Variants in TAF1B observed in about 807,000 individuals in gnomAD.
The protein encoded by TAF1B is TATA-box binding protein associated factor, RNA polymerase I subunit B.
TAF1B carries 61 observed loss-of-function variants against 83.9 expected under a neutral mutation model. The ratio of observed to expected loss-of-function variants is 0.73; its 90% CI spans 0.59 to 0.90. TAF1B has a LOEUF of 0.90. Ranked by LOEUF, TAF1B falls within the 40% of genes least tolerant of loss-of-function variation. TAF1B has a pLI of 0.00. For synonymous variants in TAF1B, 221 were observed against 224.6 expected (o/e 0.98, Z 0.14); for missense variants, 625 against 677.0 (o/e 0.92, Z 0.85).
Position 9,872,442 on chromosome 2 carries a change from T to A in TAF1B, c.554-3423T>A, listed in dbSNP as rs181320584. Among the ~76,000 whole-genome samples the A allele has an allele frequency of 2.0e-5, 3 of 152,312 alleles. No homozygotes were observed. The East Asian group carries it at 5.8e-4, about 29-fold the overall frequency. On this transcript the variant is annotated intron_variant, in intron 6 of 14. Coordinates refer to ENST00000263663, the MANE Select transcript of TAF1B (RefSeq NM_005680.3). ...TTTCTAGGGGTATGAGTTTCTCCAA[T>A]TCCTGAGCCTTCTTTAGGGATCCCC...
Position 9,914,083 on chromosome 2 carries a change from G to A in TAF1B, c.1271+834G>A, listed in dbSNP as rs1665610345. Among the ~76,000 whole-genome samples the A allele has an allele frequency of 6.6e-6, 1 of 152,092 alleles. No homozygotes were observed. Among genetic ancestry groups the A allele is most frequent in the African/African-American group, 2.4e-5 (1 of 41,400 alleles). On this transcript the variant is annotated intron_variant, in intron 12 of 14. Transcript: ENST00000263663. This position sits in a 1 kb window ranked among gnomAD's most constrained non-coding sequence, Gnocchi z 4.3. The stretch of plus-strand genomic sequence containing the variant: ...ACATAATAATGCCCACTTATATACT[G>A]TAATTAAGACCCAATTTTCCAGTAT...
At chr2:9,917,868 T>A (rs12618415) in intron 12 of TAF1B, among the ~76,000 whole-genome samples, 2 of 151,366 alleles carry the variant, frequency 1.3e-5, no homozygotes, top group Non-Finnish European at 2.9e-5. Flanking sequence ...GTCAGGAGAT[T>A]GAGACCATCC....
chr2:9,877,081 T>C (rs894953800), intron 7 of TAF1B, among the ~76,000 whole-genome samples: 7 of 152,230 alleles, frequency 4.6e-5, no homozygotes, highest in Non-Finnish European at 7.3e-5. Context: ...TAGCCCATGA[T>C]TCAGTGAATT....
chr2:9,896,620 C>CAAAAAAAAA (rs71391108), intron 8 of TAF1B, among the ~76,000 whole-genome samples: 9 of 66,522 alleles, frequency 1.4e-4, no homozygotes, highest in African/African-American at 3.5e-4. Context: ...ATCTAAAAAC[C>CAAAAAAAAA]AAAAAAAAAA....
At chr2:9,911,720 C>T (rs763999038) in intron 11 of TAF1B, among the ~76,000 whole-genome samples, 163 bp downstream of exon 11, 2 of 152,158 alleles carry the variant, frequency 1.3e-5, no homozygotes, top group African/African-American at 2.4e-5. Context: ...TAATTACCTA[C>T]TTGTATCTCT....
intron 2 of TAF1B, 60 bp downstream of exon 2, chr2:9,845,378 G>T (rs1663172041): frequency 1.4e-6 from 2 of 1,389,114 alleles, no homozygotes; most frequent in East Asian, 2.3e-5. Flanking sequence ...ATTTCAGCCT[G>T]ATATGTAGTC....
chr2:9,867,199 T>TAA (rs780230072), intron 5 of TAF1B, among the ~76,000 whole-genome samples: 241 of 152,318 alleles, frequency 1.6e-3, no homozygotes, highest in Middle Eastern at 3.4e-3. Flanking sequence ...TGTGAATCTT[T>TAA]GAACAGATAT....
intron 1 of TAF1B, among the ~76,000 whole-genome samples, chr2:9,843,949 C>A (rs1339096937): frequency 6.6e-6 from 1 of 152,038 alleles, no homozygotes; most frequent in East Asian, 1.9e-4. Context: ...TGAGATGCCG[C>A]CGGGTAACCC....
intron 14 of TAF1B, 109 bp downstream of exon 14, chr2:9,919,929 A>G (rs1665819184): frequency 9.9e-7 from 1 of 1,006,836 alleles, no homozygotes; most frequent in Non-Finnish European, 1.5e-6. Flanking sequence ...AGTCACGAAA[A>G]TCAGAATTAT....
At chr2:9,848,738 T>A (rs1025534534) in intron 2 of TAF1B, among the ~76,000 whole-genome samples, 23 of 151,184 alleles carry the variant, frequency 1.5e-4, no homozygotes, top group East Asian at 1.9e-4. Context: ...TGGCCCCATT[T>A]AAAAAAAAAG....
At chr2:9,926,024 C>T (rs1419972346) in intron 14 of TAF1B, among the ~76,000 whole-genome samples, 1 of 152,084 alleles carries the variant, frequency 6.6e-6, no homozygotes, top group Non-Finnish European at 1.5e-5. Context: ...TTCTGGTATA[C>T]TCAGAAGTAG....
intron 5 of TAF1B, among the ~76,000 whole-genome samples, chr2:9,860,498 T>C (rs543420494): frequency 1.8e-4 from 27 of 152,244 alleles, no homozygotes; most frequent in Non-Finnish European, 1.2e-4. Context: ...GAGGGGACAT[T>C]TTAAAATTTG....
chr2:9,851,328 C>T (rs747312196), intron 3 of TAF1B, among the ~76,000 whole-genome samples: 2 of 151,576 alleles, frequency 1.3e-5, no homozygotes, highest in Non-Finnish European at 2.9e-5. Context: ...CATTTGTGTA[C>T]ACATTGCCAG....
rs568814585 is a variant in TAF1B at position 9,926,821 on chromosome 2, A to G, written c.1566-6962A>G. Reference sequence around the variant, plus strand: ...CTCTGTCTCAAAAAAAAAAAAAAAAAAGAGAGATTGGCAGTTAACATTAGT... The same window carrying G: ...CTCTGTCTCAAAAAAAAAAAAAAAAGAGAGAGATTGGCAGTTAACATTAGT... On this transcript the variant is annotated intron_variant, in intron 14 of 14. Transcript: ENST00000263663. Among the ~76,000 whole-genome samples, 151 of 151,508 alleles carry G rather than the reference A, an allele frequency of 1.0e-3. 2 individuals are homozygous for G. Among genetic ancestry groups the G allele is most frequent in the African/African-American group, 3.4e-3 (139 of 41,388 alleles).
chr2:9,917,013 A>G (rs577118930), intron 12 of TAF1B, among the ~76,000 whole-genome samples: 2 of 151,460 alleles, frequency 1.3e-5, no homozygotes, highest in South Asian at 2.1e-4. Flanking sequence ...TGCCCAACTA[A>G]TTTTGTATTT....
intron 8 of TAF1B, among the ~76,000 whole-genome samples, chr2:9,902,983 T>C (rs1305099780): frequency 6.6e-6 from 1 of 152,244 alleles, no homozygotes; most frequent in Non-Finnish European, 1.5e-5. Context: ...AAGGAGATTG[T>C]CTTATTCATC....
intron 2 of TAF1B, 74 bp from the exon 3 acceptor site, chr2:9,849,299 C>T: frequency 1.7e-6 from 2 of 1,211,920 alleles, no homozygotes; most frequent in African/African-American, 1.6e-5. Flanking sequence ...TTATACTTTC[C>T]AGAAAATACC....
chr2:9,866,629 A>G (rs914087119), intron 5 of TAF1B, among the ~76,000 whole-genome samples: 1 of 152,218 alleles, frequency 6.6e-6, no homozygotes, highest in Non-Finnish European at 1.5e-5. Flanking sequence ...ATAAAGACAC[A>G]TGCACACGTA....
intron 8 of TAF1B, among the ~76,000 whole-genome samples, chr2:9,889,333 T>C (rs1177010651): frequency 6.6e-6 from 1 of 152,130 alleles, no homozygotes; most frequent in Non-Finnish European, 1.5e-5. Context: ...TCTATTGTTA[T>C]GTCTTCAGAT....
Sources: gnomAD v4.1 joint callset for allele counts (sites outside exome capture counted in the v4.1 genomes callset) on GRCh38, gnomAD v4.1.1 for gene constraint, Gnocchi (gnomAD v3.1) non-coding constraint, MANE v1.5 for transcripts, NCBI Gene and HGNC (gene_info 2026-07-23, HGNC 2026-07-21) for gene names.